The following PEX5L variants were observed in gnomAD, a reference collection of about 807,000 sequenced individuals.
PEX5L encodes the protein PEX5-related protein.
PEX5L carries 30 observed loss-of-function variants against 84.0 expected under a neutral mutation model. That is an observed-to-expected ratio of 0.36 (90% confidence interval 0.27 to 0.48). PEX5L has a LOEUF of 0.48. Ranked by LOEUF, PEX5L falls within the 20% of genes least tolerant of loss-of-function variation. The pLI is 0.99. For missense variants in PEX5L, 533 were observed against 754.6 expected (o/e 0.71, Z 3.44); for synonymous variants, 270 against 283.1 (o/e 0.95, Z 0.46).
chr3:179,809,805 A>C lies in PEX5L; in HGVS notation c.1155-137T>G, dbSNP rs1723025765. 3 of 639,674 alleles carry C rather than the reference A, an allele frequency of 4.7e-6. No individual in the cohort carries two copies. The East Asian group carries it at 8.2e-5, about 18-fold the overall frequency. 39.6% of individuals were successfully genotyped at this position (639,674 alleles called of 1,614,324 possible). ...GCTTGCTTATGTCAAGTTCCTGGAA[A>C]GCACCATATTTATCCACATAAAAAT... On this transcript the variant is annotated intron_variant, in intron 11 of 14. Coordinates refer to ENST00000467460, the MANE Select transcript of PEX5L (RefSeq NM_016559.3).
intron 7 of PEX5L, among the ~76,000 whole-genome samples, chr3:179,861,238 C>T (rs888603474): frequency 5.3e-5 from 8 of 152,144 alleles, no homozygotes; most frequent in East Asian, 3.8e-4. Flanking sequence ...TGAATAGATG[C>T]GTGAATGAAT....
intron 14 of PEX5L, among the ~76,000 whole-genome samples, chr3:179,805,407 A>G (rs1333764193): frequency 1.8e-4 from 28 of 152,180 alleles, no homozygotes. Flanking sequence ...GAGAATGCTC[A>G]GGTCCCTTGT....
intron 8 of PEX5L, among the ~76,000 whole-genome samples, chr3:179,858,582 T>A (rs1375447967): frequency 6.6e-6 from 1 of 152,170 alleles, no homozygotes; most frequent in Admixed American, 6.5e-5. Flanking sequence ...GGACAATCCA[T>A]TAGCTAGAAT....
rs555419768 is a variant in PEX5L, at chr3:179,936,465, A to G, written c.93+35129T>C. The stretch of plus-strand genomic sequence containing the variant: ...TAAAATAGTGCCTGGCATTTAGGAA[A>G]TGTTAGCTATTATTATTTCATCAAA... On this transcript the variant is annotated intron_variant, in intron 2 of 14. Transcript: ENST00000467460. Among the ~76,000 whole-genome samples, 3 of 152,296 alleles carry G rather than the reference A, an allele frequency of 2.0e-5. No individual in the cohort carries two copies. In the South Asian group the frequency reaches 6.2e-4, roughly 32 times the overall value.
chr3:180,004,956 G>A (rs1692159426), intron 1 of PEX5L, among the ~76,000 whole-genome samples: 1 of 152,010 alleles, frequency 6.6e-6, no homozygotes, highest in Non-Finnish European at 1.5e-5. Flanking sequence ...TTGTAAATGT[G>A]GTGTCTAGAA....
chr3:179,882,464 ACACAGAAAGCCTAATTGGTTACC>A (rs1754449984), intron 4 of PEX5L, among the ~76,000 whole-genome samples: 2 of 152,208 alleles, frequency 1.3e-5, no homozygotes, highest in African/African-American at 4.8e-5. Flanking sequence ...TGCTTGGCAC[ACACAGAAAGCCTAATTGGTTACC>A]CAGCTGATGA....
intron 1 of PEX5L, among the ~76,000 whole-genome samples, chr3:179,976,650 A>G (rs1025023370): frequency 6.6e-6 from 1 of 151,984 alleles, no homozygotes; most frequent in Non-Finnish European, 1.5e-5. Context: ...GTTGGCCAGG[A>G]TGGTCTCAAA....
chr3:179,952,700 C>T (rs1032410270), intron 2 of PEX5L, among the ~76,000 whole-genome samples: 1 of 152,164 alleles, frequency 6.6e-6, no homozygotes, highest in African/African-American at 2.4e-5. Context: ...AGATTCAATG[C>T]TATCCCCATC....
intron 2 of PEX5L, among the ~76,000 whole-genome samples, chr3:179,910,405 CAAGG>C (rs1764749813): frequency 6.6e-6 from 1 of 152,134 alleles, no homozygotes; most frequent in African/African-American, 2.4e-5. Flanking sequence ...GTGAATGCTC[CAAGG>C]AAGCTATTTG....
At chr3:179,952,603 G>C (rs1322609951) in intron 2 of PEX5L, among the ~76,000 whole-genome samples, 2 of 152,044 alleles carry the variant, frequency 1.3e-5, no homozygotes, top group Admixed American at 1.3e-4. Flanking sequence ...AATAAGAGAG[G>C]ACATAAACAA....
chr3:179,946,536 C>G (rs892510814), intron 2 of PEX5L, among the ~76,000 whole-genome samples: 1 of 152,086 alleles, frequency 6.6e-6, no homozygotes, highest in African/African-American at 2.4e-5. Flanking sequence ...ATAATGACAA[C>G]AAGAAGAAAG....
chr3:179,859,263 A>G (rs1745162242), intron 7 of PEX5L, 106 bp from the exon 8 acceptor site: 3 of 804,464 alleles, frequency 3.7e-6, no homozygotes, highest in South Asian at 3.1e-5. Flanking sequence ...GAGTTCAAGA[A>G]TCATCTGTGA....
At chr3:179,999,617 C>T (rs1196370303) in intron 1 of PEX5L, among the ~76,000 whole-genome samples, 1 of 152,194 alleles carries the variant, frequency 6.6e-6, no homozygotes, top group Non-Finnish European at 1.5e-5. Flanking sequence ...AGAGGTTTGT[C>T]CCCACTGGAA....
intron 8 of PEX5L, among the ~76,000 whole-genome samples, chr3:179,855,562 A>G (rs971769351): frequency 1.3e-5 from 2 of 152,134 alleles, no homozygotes; most frequent in African/African-American, 4.8e-5. Flanking sequence ...GCCACCCAAG[A>G]ATAACTATTG....
intron 2 of PEX5L, among the ~76,000 whole-genome samples, chr3:179,947,677 A>G (rs1186270892): frequency 6.6e-6 from 1 of 151,322 alleles, no homozygotes; most frequent in African/African-American, 2.4e-5. Context: ...AAAAATAATA[A>G]CCATATTTTA....
At chr3:179,888,662 T>TG (rs1234860808) in intron 3 of PEX5L, among the ~76,000 whole-genome samples, 1 of 146,198 alleles carries the variant, frequency 6.8e-6, no homozygotes, top group Non-Finnish European at 1.5e-5. Context: ...TTGGGGGGGG[T>TG]GGGGGAGCTT....
At chr3:179,888,682 C>A (rs1327317728) in intron 3 of PEX5L, among the ~76,000 whole-genome samples, 1 of 151,688 alleles carries the variant, frequency 6.6e-6, no homozygotes, top group South Asian at 2.1e-4. Flanking sequence ...TTTATATTTG[C>A]CTTTCATAAA....
intron 8 of PEX5L, among the ~76,000 whole-genome samples, chr3:179,828,420 C>G (rs1731346301): frequency 6.6e-6 from 1 of 151,968 alleles, no homozygotes; most frequent in Non-Finnish European, 1.5e-5. Context: ...AATACAAGAC[C>G]CACATTTCTA....
chr3:180,036,320 G>T (rs1482940182), intron 1 of PEX5L, among the ~76,000 whole-genome samples: 2 of 152,290 alleles, frequency 1.3e-5, no homozygotes, highest in East Asian at 3.9e-4. Flanking sequence ...CCTTGATCCT[G>T]TTTAAAGAAA....
Sources: gnomAD v4.1 joint callset for allele counts (sites outside exome capture counted in the v4.1 genomes callset) on GRCh38, gnomAD v4.1.1 for gene constraint, MANE v1.5 for transcripts, NCBI Gene and HGNC (gene_info 2026-07-23, HGNC 2026-07-21) for gene names.